The following CAST variants were observed in gnomAD, a reference collection of about 807,000 sequenced individuals.
The protein encoded by CAST is MIR583 host.
Under a neutral mutation model 119.6 loss-of-function variants are expected in CAST, and 76 were observed. The ratio of observed to expected loss-of-function variants is 0.64; its 90% CI spans 0.53 to 0.77. The LOEUF (loss-of-function observed/expected upper bound fraction) is 0.77, where lower values mean the gene tolerates loss of function less well. Ranked by LOEUF, CAST falls within the 30% of genes least tolerant of loss-of-function variation. The pLI is 0.00. For missense variants in CAST, 953 were observed against 946.5 expected (o/e 1.01, Z -0.09); for synonymous variants, 319 against 331.6 (o/e 0.96, Z 0.41).
At chr5:96,494,717 A>G in the CAST span, among the ~76,000 whole-genome samples, 1 of 152,212 alleles carries the variant, frequency 6.6e-6, no homozygotes, top group Non-Finnish European at 1.5e-5. Context: ...AATTATGGGA[A>G]CCATTAGTAT....
chr5:96,437,794 C>G, the CAST span, among the ~76,000 whole-genome samples: 1 of 152,188 alleles, frequency 6.6e-6, no homozygotes, highest in African/African-American at 2.4e-5. Flanking sequence ...GCCTGGTATA[C>G]ATGACACTCC....
the CAST span, among the ~76,000 whole-genome samples, chr5:96,486,289 T>C: frequency 2.0e-5 from 3 of 151,754 alleles, no homozygotes; most frequent in African/African-American, 7.3e-5. Context: ...AAGGGAGGAG[T>C]AATCTTTCCC....
At chr5:96,459,959 A>G in the CAST span, among the ~76,000 whole-genome samples, 2 of 152,286 alleles carry the variant, frequency 1.3e-5, no homozygotes, top group East Asian at 3.9e-4. Context: ...ATACGGTACA[A>G]ACAGGAAGCA....
the CAST span, among the ~76,000 whole-genome samples, chr5:96,238,366 C>CTTCTT: frequency 7.3e-4 from 17 of 23,230 alleles, no homozygotes; most frequent in African/African-American, 1.2e-3. Context: ...TTCTTCTTCT[C>CTTCTT]CTTCTTCTCC....
chr5:96,628,240 A>G (rs190873082), intron 1 of CAST, among the ~76,000 whole-genome samples: 41 of 152,330 alleles, frequency 2.7e-4, no homozygotes, highest in African/African-American at 8.4e-4. Context: ...AGGTTAATAA[A>G]TATATAACTT....
At chr5:96,309,221 T>C in the CAST span, among the ~76,000 whole-genome samples, 1 of 152,216 alleles carries the variant, frequency 6.6e-6, no homozygotes, top group Non-Finnish European at 1.5e-5. Context: ...CTCCGCCCAG[T>C]TCGAACTTCT....
chr5:96,109,080 G>A, the CAST span, among the ~76,000 whole-genome samples: 87 of 152,302 alleles, frequency 5.7e-4, 1 homozygote, highest in Middle Eastern at 3.4e-3. Flanking sequence ...GCCCTGCTTC[G>A]GCTTGCGCAC....
the CAST span, among the ~76,000 whole-genome samples, chr5:96,430,219 C>T: frequency 2.2e-4 from 33 of 152,176 alleles, no homozygotes; most frequent in African/African-American, 7.2e-4. Context: ...ATCTTTGGTT[C>T]ATTTAGGACT....
Position 96,765,372 on chromosome 5 carries a change from T to G in CAST, c.2037+47T>G, listed in dbSNP as rs759999341. The G allele has an allele frequency of 8.6e-6, 8 of 928,702 alleles. 1 individual carries two copies. Among genetic ancestry groups the G allele is most frequent in the Non-Finnish European group, 1.3e-5 (8 of 592,830 alleles). The allele number at this position is 928,702 out of a possible 1,614,324, so 57.5% of individuals were successfully genotyped here. A position where few individuals can be genotyped will look rare whatever the true frequency, so the allele number is the denominator to read the frequency against. ...AAAAAAATTCACTAATAGTGAAATT[T>G]TAATCCTTGGGTCTTGACTCTGTCA... On this transcript the variant is annotated intron_variant, in intron 26 of 31. Transcript: ENST00000675179.
the CAST span, among the ~76,000 whole-genome samples, chr5:96,219,344 G>T: frequency 6.6e-6 from 1 of 151,990 alleles, no homozygotes; most frequent in South Asian, 2.1e-4. Flanking sequence ...CTATTTTTTG[G>T]TTCTCATCCA....
the CAST span, among the ~76,000 whole-genome samples, chr5:96,286,202 G>A: frequency 6.6e-6 from 1 of 152,056 alleles, no homozygotes; most frequent in Admixed American, 6.5e-5. Flanking sequence ...CATTAAGCTG[G>A]GCCATTTTCA....
chr5:96,419,062 T>A, the CAST span, among the ~76,000 whole-genome samples: 2 of 152,020 alleles, frequency 1.3e-5, no homozygotes, highest in African/African-American at 4.8e-5. Context: ...AAGCCAAATA[T>A]CCTTGTCACA....
the CAST span, among the ~76,000 whole-genome samples, chr5:96,404,178 C>G: frequency 6.6e-6 from 1 of 152,186 alleles, no homozygotes; most frequent in Non-Finnish European, 1.5e-5. Flanking sequence ...TCTACACAAA[C>G]ACAGGTGGAT....
chr5:96,716,898 A>G (rs1046971895), intron 3 of CAST, among the ~76,000 whole-genome samples: 1 of 152,180 alleles, frequency 6.6e-6, no homozygotes, highest in Non-Finnish European at 1.5e-5. Context: ...AAGAAACTAG[A>G]TGCTCAGCAG....
the CAST span, among the ~76,000 whole-genome samples, chr5:96,509,675 C>A: frequency 6.6e-6 from 1 of 152,170 alleles, no homozygotes; most frequent in African/African-American, 2.4e-5. Context: ...AGGAATCATT[C>A]CCAGAGGCAC....
the CAST span, among the ~76,000 whole-genome samples, chr5:96,357,137 A>G: frequency 1.3e-5 from 2 of 151,892 alleles, no homozygotes; most frequent in African/African-American, 4.8e-5. Context: ...CTGTTTGTCT[A>G]TTATTGGTGT....
chr5:96,161,852 G>C, the CAST span, among the ~76,000 whole-genome samples: 3 of 151,946 alleles, frequency 2.0e-5, no homozygotes. Flanking sequence ...CTTATTCCTA[G>C]GTATTTTATT....
the CAST span, among the ~76,000 whole-genome samples, chr5:96,506,747 C>G: frequency 5.3e-5 from 8 of 152,132 alleles, no homozygotes; most frequent in African/African-American, 1.9e-4. Context: ...AAAAAGACCT[C>G]CACATAGAGG....
the CAST span, among the ~76,000 whole-genome samples, chr5:96,429,048 T>G: frequency 6.6e-6 from 1 of 152,124 alleles, no homozygotes; most frequent in African/African-American, 2.4e-5. Flanking sequence ...TATTATTATG[T>G]GCCATTATAA....
Sources: allele counts gnomAD v4.1 joint callset (sites outside exome capture counted in the v4.1 genomes callset), GRCh38; gene constraint gnomAD v4.1.1; transcripts MANE v1.5; gene names NCBI Gene and HGNC (gene_info 2026-07-23, HGNC 2026-07-21).